Variants in EPHA3 observed in about 807,000 individuals in gnomAD.
EPHA3 encodes ephrin type-A receptor 3.
A neutral mutation model predicts 107.1 loss-of-function variants in EPHA3; 42 were observed. The observed-to-expected ratio is 0.39, with a 90% CI of 0.31 to 0.51. The LOEUF is 0.51. EPHA3 is among the 20% of genes least tolerant of loss of function. EPHA3 has a pLI of 0.78. For missense variants in EPHA3, 1,183 were observed against 1,211.2 expected, an observed-to-expected ratio of 0.98 and a Z score of 0.35; for synonymous variants, 461 against 424.8, an observed-to-expected ratio of 1.09 and a Z score of -1.05.
rs562723968 is a variant in EPHA3 at position 89,165,697 on chromosome 3, A to T, written c.153+38424A>T. Among the ~76,000 whole-genome samples, 6 of 152,308 alleles carry T rather than the reference A, an allele frequency of 3.9e-5. No individual in the cohort carries two copies. In the South Asian group the frequency reaches 1.2e-3, roughly 32 times the overall value. On this transcript the variant is annotated intron_variant, in intron 2 of 16. Transcript: ENST00000336596. ...CTTGATCCAAATATCTTGCATCTTT[A>T]CATACTCATCTTCTGAAATAAAAGA...
At chr3:89,391,255 G>A (rs1028303003) in intron 5 of EPHA3, among the ~76,000 whole-genome samples, 1 of 151,996 alleles carries the variant, frequency 6.6e-6, no homozygotes, top group East Asian at 1.9e-4. Context: ...TAGTACTGGC[G>A]GTGTTTGGAA....
intron 3 of EPHA3, among the ~76,000 whole-genome samples, chr3:89,227,089 T>C (rs771854215): frequency 6.6e-6 from 1 of 152,044 alleles, no homozygotes; most frequent in Non-Finnish European, 1.5e-5. Context: ...TGTCCATCAA[T>C]ATTATATGCA....
chr3:89,235,531 A>G (rs1357602830), intron 3 of EPHA3, among the ~76,000 whole-genome samples: 2 of 152,034 alleles, frequency 1.3e-5, no homozygotes, highest in Non-Finnish European at 2.9e-5. Context: ...TCATTTCTTC[A>G]TATGCATGTA....
chr3:89,366,667 C>G (rs761992517), intron 5 of EPHA3, among the ~76,000 whole-genome samples: 1 of 150,448 alleles, frequency 6.6e-6, no homozygotes, highest in African/African-American at 2.4e-5. Context: ...TGAGTATAGA[C>G]GGAGTCAGCT....
At position 89,219,692 on chromosome 3, in the gene EPHA3, TTTTTTTTTTTGTTTTTTG is replaced by T. The variant is rs1228255602; in HGVS notation, c.814+9183_814+9200del. Among the ~76,000 whole-genome samples the T allele has an allele frequency of 3.0e-3, 25 of 8,422 alleles. 3 individuals carry two copies. The highest frequency in any genetic ancestry group is 9.0e-3 in the African/African-American group (18 of 1,996). 5.5% of individuals were successfully genotyped at this position (8,422 alleles called of 152,430 possible). ...CTCCAAGAGGCATTTGGCAATGTTT[TTTTTTTTTTTGTTTTTTG>T]TTTTTTTTTTTTTTTTGAGACGGAG... On this transcript the variant is annotated intron_variant, in intron 3 of 16. Transcript: ENST00000336596.
At chr3:89,308,673 A>G (rs990538797) in intron 3 of EPHA3, among the ~76,000 whole-genome samples, 56 of 151,978 alleles carry the variant, frequency 3.7e-4, no homozygotes, top group Admixed American at 3.9e-4. Flanking sequence ...CATTCAACTC[A>G]GCAAACATTA....
Position 89,156,096 on chromosome 3 carries a change from C to T in EPHA3, c.153+28823C>T, listed in dbSNP as rs554074180. Among the ~76,000 whole-genome samples, 28 of 152,150 alleles carry T rather than the reference C, an allele frequency of 1.8e-4. No homozygotes were observed. The South Asian group carries it at 5.0e-3, about 27-fold the overall frequency. On this transcript the variant is annotated intron_variant, in intron 2 of 16. Coordinates refer to ENST00000336596, the MANE Select transcript of EPHA3 (RefSeq NM_005233.6). ...GCCGTTGGGAAGAAGATACTGTTTA[C>T]GTGCAAGTTTGAGAGTGTTTTATGA...
chr3:89,199,976 A>G (rs953600809), intron 2 of EPHA3, among the ~76,000 whole-genome samples: 1 of 152,196 alleles, frequency 6.6e-6, no homozygotes, highest in African/African-American at 2.4e-5. Context: ...TGGGAGGGGA[A>G]GATGAACAAA....
chr3:89,154,001 T>C (rs1269025451), intron 2 of EPHA3, among the ~76,000 whole-genome samples: 1 of 152,024 alleles, frequency 6.6e-6, no homozygotes, highest in Non-Finnish European at 1.5e-5. Flanking sequence ...TTCTTCCCAC[T>C]TCCTGCAAAT....
At chr3:89,182,658 G>C (rs768026985) in intron 2 of EPHA3, among the ~76,000 whole-genome samples, 1 of 151,870 alleles carries the variant, frequency 6.6e-6, no homozygotes. Flanking sequence ...GGTAATTTGT[G>C]TGGTGCGTGC....
intron 11 of EPHA3, among the ~76,000 whole-genome samples, chr3:89,420,578 A>T (rs1472961488): frequency 6.6e-6 from 1 of 151,480 alleles, no homozygotes; most frequent in Non-Finnish European, 1.5e-5. Flanking sequence ...GATAAAAAAC[A>T]TTTTTAAATT....
At position 89,323,275 on chromosome 3, in the gene EPHA3, C is replaced by T. The variant is rs562560598; in HGVS notation, c.815-17641C>T. On this transcript the variant is annotated intron_variant, in intron 3 of 16. Coordinates refer to ENST00000336596, the MANE Select transcript of EPHA3 (RefSeq NM_005233.6). ...ATGTGTATTAGAGAATATTTATACT[C>T]ACATGTAATTCCTACAAAATCCTAT... Among the ~76,000 whole-genome samples the T allele has an allele frequency of 2.6e-5, 4 of 152,126 alleles. No homozygotes were observed. In the East Asian group the frequency reaches 7.7e-4, roughly 29 times the overall value.
At chr3:89,330,249 C>A (rs1001449543) in intron 3 of EPHA3, among the ~76,000 whole-genome samples, 2 of 151,746 alleles carry the variant, frequency 1.3e-5, no homozygotes, top group African/African-American at 4.8e-5. Flanking sequence ...AAAAACAGAC[C>A]CTAAAATTAC....
intron 2 of EPHA3, among the ~76,000 whole-genome samples, chr3:89,143,730 A>G (rs1356792618): frequency 6.6e-6 from 1 of 151,616 alleles, no homozygotes; most frequent in Non-Finnish European, 1.5e-5. Flanking sequence ...TAGGTACATT[A>G]CTATAAGCTA....
At chr3:89,253,342 G>A (rs1287587595) in intron 3 of EPHA3, among the ~76,000 whole-genome samples, 1 of 152,002 alleles carries the variant, frequency 6.6e-6, no homozygotes, top group African/African-American at 2.4e-5. Context: ...ATGGATTTAT[G>A]AGATTGAAAG....
At chr3:89,437,270 T>G (rs1326730667) in intron 13 of EPHA3, among the ~76,000 whole-genome samples, 1 of 152,138 alleles carries the variant, frequency 6.6e-6, no homozygotes, top group Admixed American at 6.5e-5. Flanking sequence ...TTTTATGTGA[T>G]ATAATATATT....
chr3:89,177,284 G>T (rs187001143), intron 2 of EPHA3, among the ~76,000 whole-genome samples: 1 of 152,126 alleles, frequency 6.6e-6, no homozygotes, highest in Non-Finnish European at 1.5e-5. Flanking sequence ...AAGGACACTT[G>T]TCTGGGTGTT....
chr3:89,268,593 A>G (rs1022014513), intron 3 of EPHA3, among the ~76,000 whole-genome samples: 25 of 151,980 alleles, frequency 1.6e-4, no homozygotes, highest in African/African-American at 6.0e-4. Context: ...GTTTGAAATC[A>G]AGAAAATTGA....
intron 1 of EPHA3, among the ~76,000 whole-genome samples, chr3:89,126,594 T>C (rs985499045): frequency 1.3e-5 from 2 of 151,688 alleles, no homozygotes; most frequent in Admixed American, 6.6e-5. Flanking sequence ...AGTAAAGCTT[T>C]ACACAGGTGT....
Sources: gnomAD v4.1 joint callset for allele counts (sites outside exome capture counted in the v4.1 genomes callset) on GRCh38, gnomAD v4.1.1 for gene constraint, MANE v1.5 for transcripts, NCBI Gene and HGNC (gene_info 2026-07-23, HGNC 2026-07-21) for gene names.